The following SNAP23 variants were observed in gnomAD, a reference collection of about 807,000 sequenced individuals.
The protein encoded by SNAP23 is synaptosomal-associated protein 23.
SNAP23 carries 11 observed loss-of-function variants against 29.0 expected under a neutral mutation model. The ratio of observed to expected loss-of-function variants is 0.38; its 90% CI spans 0.24 to 0.63. The LOEUF (loss-of-function observed/expected upper bound fraction) is 0.63. Ranked by LOEUF, SNAP23 falls within the 20% of genes least tolerant of loss-of-function variation. The pLI, the probability that SNAP23 is intolerant of heterozygous loss-of-function variation, is 0.58. For missense variants in SNAP23, 220 were observed against 253.9 expected (o/e 0.87, Z 0.91); for synonymous variants, 60 against 82.9 (o/e 0.72, Z 1.50).
At position 42,513,178 on chromosome 15, in the gene SNAP23, G is replaced by A. The variant is rs763305511; in HGVS notation, c.99+182G>A. 4 of 744,590 alleles carry A rather than the reference G, an allele frequency of 5.4e-6. No homozygotes were observed. The African/African-American group carries it at 6.9e-5, about 13-fold the overall frequency. 46.1% of individuals were successfully genotyped at this position (744,590 alleles called of 1,614,324 possible). On this transcript the variant is annotated intron_variant, in intron 3 of 7. Coordinates refer to ENST00000249647, the MANE Select transcript of SNAP23 (RefSeq NM_003825.4). ...TTCTGTTTTTCCCTTTAACAGTATTGGAATATGACAGGGAAGATGAATTCA... is the reference window on the plus strand; with the variant it reads ...TTCTGTTTTTCCCTTTAACAGTATTAGAATATGACAGGGAAGATGAATTCA...
intron 1 of SNAP23, among the ~76,000 whole-genome samples, chr15:42,511,197 G>C (rs1294336014): frequency 6.6e-6 from 1 of 152,148 alleles, no homozygotes; most frequent in African/African-American, 2.4e-5. Flanking sequence ...GAGAATAATT[G>C]TTTGGTTTCT....
chr15:42,511,303 C>T (rs2057356610), intron 1 of SNAP23, among the ~76,000 whole-genome samples: 1 of 152,150 alleles, frequency 6.6e-6, no homozygotes, highest in African/African-American at 2.4e-5. Context: ...GCTGTTTGTA[C>T]CAGCATTTCC....
chr15:42,524,946 A>T (rs2057484652), intron 5 of SNAP23, among the ~76,000 whole-genome samples: 2 of 152,198 alleles, frequency 1.3e-5, no homozygotes, highest in South Asian at 4.1e-4. Context: ...GCTGAATGAG[A>T]CGCACTGAAC....
rs1295488093 is a variant in SNAP23, at chr15:42,531,565, T to C, written c.*87T>C. 5 of 951,866 alleles carry C rather than the reference T, an allele frequency of 5.3e-6. No homozygotes were observed. Among genetic ancestry groups the C allele is most frequent in the Non-Finnish European group, 8.1e-6 (5 of 620,752 alleles). The allele number at this position is 951,866 out of a possible 1,614,324, so 59.0% of individuals were successfully genotyped here. ...CCTTTTCAGAGTTTAAGTTTTCGGT[T>C]CCACGCTCTTCTAATTGGGAGATAA... On this transcript the variant is annotated 3_prime_UTR_variant, in exon 8 of 8. Transcript: ENST00000249647.
At chr15:42,491,687 G>A (rs1157653159), upstream of SNAP23, 1 of 152,186 alleles carries the variant, frequency 6.6e-6, no homozygotes, top group Non-Finnish European at 1.5e-5. Flanking sequence ...TATGAATGCT[G>A]CCTATCACAG....
intron 1 of SNAP23, among the ~76,000 whole-genome samples, chr15:42,500,926 T>C (rs1453245156): frequency 1.3e-5 from 2 of 152,252 alleles, no homozygotes; most frequent in African/African-American, 4.8e-5. Context: ...TTCCTATGTT[T>C]TTCCAGAATT....
At position 42,529,723 on chromosome 15, in the gene SNAP23, A is replaced by T. The variant is rs763410854; in HGVS notation, c.474A>T (p.Gln158His). The T allele has an allele frequency of 6.2e-7, 1 of 1,614,142 alleles. No individual in the cohort carries two copies. The change falls in exon 7 of 8, where the codon CAA (glutamine) becomes CAT (histidine). Residue 158 changes from glutamine to histidine, a missense_variant. Gln to His is a conservative substitution (Grantham distance 24). Coordinates refer to ENST00000249647, the MANE Select transcript of SNAP23 (RefSeq NM_003825.4). ...ATGAAATGGAAGAGAACCTGACTCA[A>T]GTGGGCAGTATCCTGGGAAATCTAA... is the stretch of plus-strand genomic sequence containing the variant. ...REDEMEENLT[Q>H]VGSILGNLKD...
At position 42,521,712 on chromosome 15, in the gene SNAP23, A is replaced by G. The variant is rs544248960; in HGVS notation, c.266+6358A>G. The G allele has an allele frequency of 7.3e-6, 6 of 822,198 alleles. 1 individual carries two copies. The South Asian group carries it at 9.1e-5, about 12-fold the overall frequency. The allele number at this position is 822,198 out of a possible 1,614,324, so 50.9% of individuals were successfully genotyped here. ...GCTGCTAACCTGCTATCTAAAGGTG[A>G]TGCTTCAAATGGCTTTTCTGTGCAT... is the stretch of plus-strand genomic sequence containing the variant. On this transcript the variant is annotated intron_variant, in intron 5 of 7. Transcript: ENST00000249647.
At chr15:42,493,417 C>G (rs951845255), upstream of SNAP23, among the ~76,000 whole-genome samples, 1 of 151,800 alleles carries the variant, frequency 6.6e-6, no homozygotes, top group Non-Finnish European at 1.5e-5. Context: ...CACTGTTGGA[C>G]ACGATGCTAG....
intron 5 of SNAP23, among the ~76,000 whole-genome samples, chr15:42,523,971 T>C (rs548887586): frequency 1.2e-4 from 18 of 151,954 alleles, no homozygotes; most frequent in Non-Finnish European, 2.1e-4. Flanking sequence ...CACCTGCCAC[T>C]GCGCCTGGCT....
At chr15:42,502,387 C>T (rs989195507) in intron 1 of SNAP23, among the ~76,000 whole-genome samples, 1 of 152,116 alleles carries the variant, frequency 6.6e-6, no homozygotes, top group Non-Finnish European at 1.5e-5. Flanking sequence ...AAAAACTAAC[C>T]AGAAAGCATC....
chr15:42,491,341 T>C (rs1328026935), upstream of SNAP23: 1 of 152,414 alleles, frequency 6.6e-6, no homozygotes, highest in African/African-American at 2.4e-5. Flanking sequence ...CCTGGTCCCT[T>C]TTTCATTCTC....
In SNAP23 at chr15:42,516,575, C is replaced by T. The variant is rs145390373; in HGVS notation, c.266+1221C>T. On this transcript the variant is annotated intron_variant, in intron 5 of 7. Transcript: ENST00000249647. ...TGATCTCTTGACCTCATGATCCGCCCGCCTTAACCTCCTCAAGTGCTGGGA... is the reference window on the plus strand; with the variant it reads ...TGATCTCTTGACCTCATGATCCGCCTGCCTTAACCTCCTCAAGTGCTGGGA... 4.7e-3 allele frequency among the ~76,000 whole-genome samples: 709 copies of T among 152,214 alleles called. 6 individuals carry two copies. The highest frequency in any genetic ancestry group is 0.016 in the African/African-American group (664 of 41,524).
intron 5 of SNAP23, among the ~76,000 whole-genome samples, chr15:42,516,262 A>G (rs191977824): frequency 6.6e-6 from 1 of 151,996 alleles, no homozygotes; most frequent in East Asian, 1.9e-4. Flanking sequence ...TTTCCTGGGC[A>G]CAAGAGATCC....
chr15:42,522,133 G>A (rs1339673733), intron 5 of SNAP23: 1 of 152,300 alleles, frequency 6.6e-6, no homozygotes, highest in Non-Finnish European at 1.5e-5. Context: ...CTCTATTAAA[G>A]TTTTGCTTCT....
Position 42,532,578 on chromosome 15 carries a change from G to GA in SNAP23, c.*1106dup, listed in dbSNP as rs1398200210. On this transcript the variant is annotated 3_prime_UTR_variant, in exon 8 of 8. Coordinates refer to ENST00000249647, the MANE Select transcript of SNAP23 (RefSeq NM_003825.4). ...TCATACATTGTCATTAGTCTTTGAA[G>GA]AAAAAATATGTAAATATATATGTGT... The GA allele has an allele frequency of 3.3e-5, 5 of 152,638 alleles. No homozygotes were observed. Among genetic ancestry groups the GA allele is most frequent in the African/African-American group, 1.2e-4 (5 of 41,530 alleles). 9.5% of individuals were successfully genotyped at this position (152,638 alleles called of 1,614,324 possible). A position where few individuals can be genotyped will look rare whatever the true frequency, so the allele number is the denominator to read the frequency against.
At chr15:42,498,614 T>C (rs1227820029) in intron 1 of SNAP23, among the ~76,000 whole-genome samples, 2 of 152,196 alleles carry the variant, frequency 1.3e-5, no homozygotes, top group African/African-American at 4.8e-5. Flanking sequence ...CTGGAGACAT[T>C]TTTCCCATTG....
chr15:42,531,418 C>G lies in SNAP23; in HGVS notation c.576C>G (p.Asp192Glu). Residue 192 changes from aspartate (D) to glutamate (E), a missense_variant, in exon 8 of 8, where the codon GAC becomes GAG. Physicochemically the swap from Asp to Glu is conservative, Grantham distance 45. Coordinates refer to ENST00000249647, the MANE Select transcript of SNAP23 (RefSeq NM_003825.4). ...PQIKRITDKADTNRDRIDIAN... is the reference protein window; with the variant it reads ...PQIKRITDKAETNRDRIDIAN... ...ATATCTTTCTTGTTTTTCAGGCTGA[C>G]ACCAACAGAGATCGTATTGATATTG... 6.4e-7 allele frequency: 1 copy of G among 1,572,098 alleles called. No homozygotes were observed. Among genetic ancestry groups the G allele is most frequent in the Non-Finnish European group, 8.6e-7 (1 of 1,162,128 alleles).
intron 1 of SNAP23, among the ~76,000 whole-genome samples, chr15:42,510,635 A>G (rs1052007179): frequency 2.0e-5 from 3 of 152,178 alleles, no homozygotes; most frequent in African/African-American, 7.2e-5. Context: ...AGTATCTACC[A>G]TCAGATCCTA....
Sources: allele counts gnomAD v4.1 joint callset (sites outside exome capture counted in the v4.1 genomes callset), GRCh38; gene constraint gnomAD v4.1.1; transcripts MANE v1.5; gene names NCBI Gene and HGNC (gene_info 2026-07-23, HGNC 2026-07-21).